FKTN: variants seen among roughly 807,000 people sequenced by gnomAD.
FKTN encodes the protein ribitol-5-phosphate transferase FKTN.
Under a neutral mutation model 58.6 loss-of-function variants are expected in FKTN, and 47 were observed. The observed-to-expected ratio is 0.80, with a 90% CI of 0.63 to 1.02. FKTN has a LOEUF of 1.02. Ranked by LOEUF, FKTN falls within the 50% of genes least tolerant of loss-of-function variation. The pLI is 0.00. For synonymous variants in FKTN, 178 were observed against 191.9 expected (o/e 0.93, Z 0.60); for missense variants, 516 against 537.3 (o/e 0.96, Z 0.39).
chr9:105,581,709 C>T (rs899330154), intron 3 of FKTN, among the ~76,000 whole-genome samples: 3 of 152,240 alleles, frequency 2.0e-5, no homozygotes, highest in African/African-American at 7.2e-5. Context: ...TTCGAGCTTC[C>T]CGGCTGCTTT....
chr9:105,586,101 ACC>A (rs1342098821), intron 3 of FKTN, among the ~76,000 whole-genome samples: 1 of 152,150 alleles, frequency 6.6e-6, no homozygotes, highest in Non-Finnish European at 1.5e-5. Flanking sequence ...CTTACTTTTG[ACC>A]ATTTTGAGGG....
chr9:105,614,242 T>G (rs1205658565), intron 7 of FKTN, among the ~76,000 whole-genome samples: 1 of 152,164 alleles, frequency 6.6e-6, no homozygotes, highest in South Asian at 2.1e-4. Flanking sequence ...AAAACCAAGA[T>G]GACTAAATGA....
At chr9:105,611,301 A>G (rs1348149918) in intron 7 of FKTN, among the ~76,000 whole-genome samples, 1 of 152,168 alleles carries the variant, frequency 6.6e-6, no homozygotes, top group African/African-American at 2.4e-5. Flanking sequence ...TTTTAGAGGT[A>G]TAGTAATCCT....
At chr9:105,582,568 A>T (rs977568644) in intron 3 of FKTN, among the ~76,000 whole-genome samples, 1 of 152,228 alleles carries the variant, frequency 6.6e-6, no homozygotes, top group African/African-American at 2.4e-5. Context: ...TAATGTGTAT[A>T]GCTGACCTCT....
At chr9:105,565,676 T>G (rs1283724331) in intron 1 of FKTN, among the ~76,000 whole-genome samples, 1 of 152,144 alleles carries the variant, frequency 6.6e-6, no homozygotes, top group Admixed American at 6.5e-5. Context: ...ACAAAGAGAC[T>G]TAGACTCCCA....
chr9:105,590,686 A>G (rs1234644232), intron 3 of FKTN, among the ~76,000 whole-genome samples: 2 of 152,210 alleles, frequency 1.3e-5, no homozygotes, highest in African/African-American at 4.8e-5. Context: ...GACTGGGAAG[A>G]GCAAGTTTGA....
chr9:105,566,147 G>A (rs950747030), intron 1 of FKTN, among the ~76,000 whole-genome samples: 1 of 152,208 alleles, frequency 6.6e-6, no homozygotes, highest in African/African-American at 2.4e-5. Context: ...CATGTTTAAA[G>A]CAATGTGTAG....
intron 3 of FKTN, among the ~76,000 whole-genome samples, chr9:105,586,608 C>T (rs1327353): frequency 0.95 from 145,358 of 152,326 alleles, 69,418 homozygotes; most frequent in East Asian, 1. Context: ...GACATGGCAG[C>T]ATCAATAATT....
intron 9 of FKTN, among the ~76,000 whole-genome samples, chr9:105,619,159 G>A (rs1244232813): frequency 6.6e-6 from 1 of 151,884 alleles, no homozygotes; most frequent in Non-Finnish European, 1.5e-5. Flanking sequence ...TTTTACTGAG[G>A]TCAAAGTCAA....
intron 1 of FKTN, among the ~76,000 whole-genome samples, chr9:105,573,145 G>A (rs990963849): frequency 3.3e-5 from 5 of 151,776 alleles, no homozygotes; most frequent in African/African-American, 1.2e-4. Flanking sequence ...TGAGATAGGA[G>A]AATTGCTTGA....
chr9:105,622,267 C>T (rs1287035511), intron 10 of FKTN, among the ~76,000 whole-genome samples: 1 of 151,772 alleles, frequency 6.6e-6, no homozygotes, highest in Non-Finnish European at 1.5e-5. Flanking sequence ...TTATAATAAC[C>T]TATTTTTTAT....
At chr9:105,585,142 T>C (rs1309762054) in intron 3 of FKTN, among the ~76,000 whole-genome samples, 1 of 151,988 alleles carries the variant, frequency 6.6e-6, no homozygotes, top group Non-Finnish European at 1.5e-5. Context: ...TATTTAAAAA[T>C]AGTAAGGAGA....
chr9:105,588,208 T>C (rs1844246908), intron 3 of FKTN, among the ~76,000 whole-genome samples: 1 of 152,228 alleles, frequency 6.6e-6, no homozygotes, highest in Non-Finnish European at 1.5e-5. Flanking sequence ...TCTTTGATAA[T>C]ATATCTTTAT....
At chr9:105,576,278 T>C (rs1841682853) in intron 3 of FKTN, among the ~76,000 whole-genome samples, 1 of 152,002 alleles carries the variant, frequency 6.6e-6, no homozygotes, top group Non-Finnish European at 1.5e-5. Flanking sequence ...TAACTCGTCA[T>C]CTAGCATTAG....
At chr9:105,573,416 G>A (rs960539409) in intron 1 of FKTN, among the ~76,000 whole-genome samples, 1 of 152,148 alleles carries the variant, frequency 6.6e-6, no homozygotes, top group Non-Finnish European at 1.5e-5. Context: ...TTGAGGCTGG[G>A]AGTTTAAGAC....
At chr9:105,584,248 CTATTAT>C (rs1354884877) in intron 3 of FKTN, among the ~76,000 whole-genome samples, 1 of 151,938 alleles carries the variant, frequency 6.6e-6, no homozygotes, top group African/African-American at 2.4e-5. Flanking sequence ...TAAAAATTGG[CTATTAT>C]TATTATTTTT....
chr9:105,627,338 A>G (rs796147925), intron 10 of FKTN, among the ~76,000 whole-genome samples: 11 of 152,240 alleles, frequency 7.2e-5, no homozygotes, highest in African/African-American at 2.6e-4. Flanking sequence ...CAGTTTATCT[A>G]TTATGGGTAG....
chr9:105,563,601 G>C (rs550880400), intron 1 of FKTN, among the ~76,000 whole-genome samples: 8 of 151,012 alleles, frequency 5.3e-5, no homozygotes, highest in Non-Finnish European at 7.4e-5. Context: ...GCGAGGCTGG[G>C]GGGGGGGGCA....
intron 7 of FKTN, among the ~76,000 whole-genome samples, chr9:105,615,054 T>A (rs1036646870): frequency 6.6e-6 from 1 of 152,032 alleles, no homozygotes; most frequent in African/African-American, 2.4e-5. Context: ...CAGCTAATTT[T>A]TATGTTTTTA....
Sources: allele counts gnomAD v4.1 joint callset (sites outside exome capture counted in the v4.1 genomes callset), GRCh38; gene constraint gnomAD v4.1.1; transcripts MANE v1.5; gene names NCBI Gene and HGNC (gene_info 2026-07-23, HGNC 2026-07-21).